TENM3: variants seen among roughly 807,000 people sequenced by gnomAD.
The protein encoded by TENM3 is teneurin-3.
In TENM3, 63 loss-of-function variants were observed where a neutral mutation model predicts 255.1. That is an observed-to-expected ratio of 0.25 (90% confidence interval 0.20 to 0.30). TENM3 has a LOEUF of 0.30. TENM3 is among the 10% of genes least tolerant of loss of function. The probability of loss-of-function intolerance (pLI) is 1.00; values close to 1 mark genes in which losing one functional copy is unlikely to be tolerated. For missense variants in TENM3, 2,929 were observed against 3,461.1 expected, an observed-to-expected ratio of 0.85 and a Z score of 3.86; for synonymous variants, 1,306 against 1,322.3, an observed-to-expected ratio of 0.99 and a Z score of 0.27.
chr4:182,371,838 A>C (rs980316116), intron 3 of TENM3, among the ~76,000 whole-genome samples: 9 of 152,240 alleles, frequency 5.9e-5, no homozygotes, highest in Non-Finnish European at 5.9e-5. Context: ...CAGGATGAGC[A>C]ATAAATATCT....
At chr4:182,606,880 T>C (rs974875461) in intron 4 of TENM3, among the ~76,000 whole-genome samples, 4 of 150,308 alleles carry the variant, frequency 2.7e-5, no homozygotes, top group Non-Finnish European at 5.9e-5. Context: ...GGAGTCAGTA[T>C]TGATATATAT....
chr4:181,492,635 C>G, the TENM3 span, among the ~76,000 whole-genome samples: 2 of 152,104 alleles, frequency 1.3e-5, no homozygotes, highest in Non-Finnish European at 2.9e-5. Context: ...TTTATTTACA[C>G]AATTAGACGT....
At chr4:182,083,851 A>G in the TENM3 span, among the ~76,000 whole-genome samples, 1 of 152,208 alleles carries the variant, frequency 6.6e-6, no homozygotes. Context: ...GTTTGCCACA[A>G]ATTACACATG....
intron 3 of TENM3, among the ~76,000 whole-genome samples, chr4:182,552,323 T>C (rs1742130544): frequency 6.6e-6 from 1 of 152,170 alleles, no homozygotes; most frequent in Non-Finnish European, 1.5e-5. Context: ...TTTCTAGTAG[T>C]GGGTGAATTT....
the TENM3 span, among the ~76,000 whole-genome samples, chr4:181,848,222 A>G: frequency 1.2e-4 from 19 of 152,174 alleles, no homozygotes; most frequent in African/African-American, 4.6e-4. Context: ...CTCCTGTGAA[A>G]CCTTAAGTTC....
chr4:181,992,449 T>A, the TENM3 span, among the ~76,000 whole-genome samples: 1 of 152,172 alleles, frequency 6.6e-6, no homozygotes, highest in Non-Finnish European at 1.5e-5. Context: ...CTCCGATAAC[T>A]AGTGGCACTA....
the TENM3 span, among the ~76,000 whole-genome samples, chr4:181,549,236 C>A: frequency 6.6e-6 from 1 of 152,196 alleles, no homozygotes; most frequent in Admixed American, 6.5e-5. Flanking sequence ...GTCACCTGGA[C>A]TGGAAGCCGG....
intron 3 of TENM3, among the ~76,000 whole-genome samples, chr4:182,534,681 A>T (rs191100906): frequency 6.6e-6 from 1 of 152,224 alleles, no homozygotes; most frequent in Non-Finnish European, 1.5e-5. Context: ...TTGCCTAAGG[A>T]TTCAGAGAAG....
At chr4:182,641,856 G>T (rs925381210) in intron 5 of TENM3, among the ~76,000 whole-genome samples, 1 of 152,196 alleles carries the variant, frequency 6.6e-6, no homozygotes, top group African/African-American at 2.4e-5. Flanking sequence ...GCTGTTATGG[G>T]AGAAAGGAAC....
the TENM3 span, among the ~76,000 whole-genome samples, chr4:181,719,815 C>T: frequency 6.6e-6 from 1 of 152,162 alleles, no homozygotes; most frequent in Admixed American, 6.5e-5. Context: ...TGCCTTGATG[C>T]TCGTTAAAAT....
At chr4:182,055,570 G>A in the TENM3 span, among the ~76,000 whole-genome samples, 1 of 152,072 alleles carries the variant, frequency 6.6e-6, no homozygotes, top group Non-Finnish European at 1.5e-5. Flanking sequence ...CCTTCCTGGG[G>A]CTAGGAGGTT....
At chr4:182,631,949 G>A (rs1159869550) in intron 5 of TENM3, among the ~76,000 whole-genome samples, 13 of 152,180 alleles carry the variant, frequency 8.5e-5, no homozygotes, top group African/African-American at 2.7e-4. Context: ...CAAGGAGGGA[G>A]GGAGGGAGGT....
intron 1 of TENM3, among the ~76,000 whole-genome samples, chr4:182,188,387 CATTAA>C (rs1043573596): frequency 2.0e-5 from 3 of 152,152 alleles, no homozygotes; most frequent in Admixed American, 2.0e-4. Flanking sequence ...CATCTTCTGA[CATTAA>C]ATTAAACACC....
the TENM3 span, among the ~76,000 whole-genome samples, chr4:181,937,358 G>T: frequency 1.3e-5 from 2 of 152,288 alleles, no homozygotes; most frequent in Admixed American, 6.5e-5. Flanking sequence ...CAGGAGAGAG[G>T]CATGACCCAG....
intron 3 of TENM3, among the ~76,000 whole-genome samples, chr4:182,499,620 A>G (rs1006426182): frequency 4.6e-5 from 7 of 152,196 alleles, no homozygotes; most frequent in Non-Finnish European, 1.0e-4. Flanking sequence ...GCCTACCACC[A>G]GATTAATTTC....
chr4:181,730,344 G>A, the TENM3 span, among the ~76,000 whole-genome samples: 1 of 152,194 alleles, frequency 6.6e-6, no homozygotes, highest in Non-Finnish European at 1.5e-5. Context: ...CGCTTGCAAT[G>A]CATGTCCTTT....
At chr4:182,273,560 A>C (rs1480029729) in intron 1 of TENM3, among the ~76,000 whole-genome samples, 1 of 152,210 alleles carries the variant, frequency 6.6e-6, no homozygotes, top group Non-Finnish European at 1.5e-5. Flanking sequence ...TATTCTCTCA[A>C]ACATCTTCCA....
At chr4:181,728,378 C>T in the TENM3 span, among the ~76,000 whole-genome samples, 6 of 152,168 alleles carry the variant, frequency 3.9e-5, no homozygotes, top group Non-Finnish European at 5.9e-5. Flanking sequence ...AGAGCAGCAA[C>T]ATGGGCTGCT....
rs537607641 is a variant in TENM3 at position 182,258,998 on chromosome 4, T to C, written c.-76+15522T>C. Among the ~76,000 whole-genome samples the C allele has an allele frequency of 1.8e-4, 27 of 152,352 alleles. No individual in the cohort carries two copies. In the East Asian group the frequency reaches 4.8e-3, roughly 27 times the overall value. ...CATTTGTTTTGGAGAATAACAAATA[T>C]ATTTAAAATGTTTTAGTAATTAGAG... On this transcript the variant is annotated intron_variant, in intron 1 of 27. Transcript: ENST00000511685.
Sources: allele counts gnomAD v4.1 joint callset (sites outside exome capture counted in the v4.1 genomes callset), GRCh38; gene constraint gnomAD v4.1.1; transcripts MANE v1.5; gene names NCBI Gene and HGNC (gene_info 2026-07-23, HGNC 2026-07-21).